Variants in PHACTR2 observed in about 807,000 individuals in gnomAD.
PHACTR2 encodes the protein phosphatase and actin regulator 2, also known as chromosome 6 open reading frame 56.
A neutral mutation model predicts 76.0 loss-of-function variants in PHACTR2; 30 were observed. The ratio of observed to expected loss-of-function variants is 0.39; its 90% CI spans 0.30 to 0.54. The LOEUF is 0.54. PHACTR2 is among the 20% of genes least tolerant of loss of function. The pLI is 0.61. For synonymous variants in PHACTR2, 292 were observed against 292.5 expected (o/e 1.00, Z 0.02); for missense variants, 696 against 781.1 (o/e 0.89, Z 1.30).
upstream of PHACTR2, among the ~76,000 whole-genome samples, chr6:143,607,272 T>C (rs1775889896): frequency 1.3e-5 from 2 of 152,240 alleles, no homozygotes; most frequent in African/African-American, 4.8e-5. Context: ...CTTTGTACTA[T>C]ATTTGAGAAA....
rs990632077 is a variant in PHACTR2, at chr6:143,619,237, G to A, written c.13+10915G>A. On this transcript the variant is annotated intron_variant, in intron 1 of 11. Coordinates refer to the PHACTR2 transcript ENST00000305766. This position sits in a 1 kb window ranked among gnomAD's most constrained non-coding sequence, Gnocchi z 4.5. ...TTTCTGTCTACCTATCATTGATCAA[G>A]AGCCCTACCAGCCCCACTCCAGACC... Among the ~76,000 whole-genome samples the A allele has an allele frequency of 4.0e-5, 6 of 150,708 alleles. No homozygotes were observed. Among genetic ancestry groups the A allele is most frequent in the African/African-American group, 1.2e-4 (5 of 40,158 alleles).
chr6:143,750,326 G>A lies in PHACTR2; in HGVS notation c.295+1261G>A, dbSNP rs1156832205. On this transcript the variant is annotated intron_variant, in intron 3 of 12. Transcript: ENST00000440869. This position sits in a 1 kb window ranked among gnomAD's most constrained non-coding sequence, Gnocchi z 4.6. ...TATTTCCTGTTTGAGACTTTTAAGA[G>A]TTAAAAATGCACATTTCTAACTTTT... 6.6e-6 allele frequency among the ~76,000 whole-genome samples: 1 copy of A among 152,070 alleles called. No individual in the cohort carries two copies. Among genetic ancestry groups the A allele is most frequent in the Non-Finnish European group, 1.5e-5 (1 of 68,014 alleles).
Position 143,553,011 on chromosome 6 carries a change from G to C in PHACTR2, c.217+15804G>C, listed in dbSNP as rs1775113784. On this transcript the variant is annotated intron_variant, in intron 1 of 11. Transcript: ENST00000367584. This position sits in a 1 kb window ranked among gnomAD's most constrained non-coding sequence, Gnocchi z 4.2. ...ATGTCCAGCTGCCTGTCACTTGCCA[G>C]GTATTTAAGGAGTGAAATGAGCAAT... 6.6e-6 allele frequency among the ~76,000 whole-genome samples: 1 copy of C among 152,058 alleles called. No homozygotes were observed. The highest frequency in any genetic ancestry group is 2.4e-5 in the African/African-American group (1 of 41,414).
chr6:143,733,100 A>G lies in PHACTR2; in HGVS notation c.215-15885A>G, dbSNP rs974787159. Among the ~76,000 whole-genome samples, 7 of 152,206 alleles carry G rather than the reference A, an allele frequency of 4.6e-5. No homozygotes were observed. The highest frequency in any genetic ancestry group is 1.3e-4 in the Admixed American group (2 of 15,278). Reference sequence around the variant, plus strand: ...TTTTCATAGAGATGGAGGCTTGCTCAGCTGCCCAGGCTGGGTGTCCAACTG... The same window carrying G: ...TTTTCATAGAGATGGAGGCTTGCTCGGCTGCCCAGGCTGGGTGTCCAACTG... On this transcript the variant is annotated intron_variant, in intron 2 of 12. Transcript: ENST00000440869. This position sits in a 1 kb window ranked among gnomAD's most constrained non-coding sequence, Gnocchi z 4.0.
intron 1 of PHACTR2, among the ~76,000 whole-genome samples, chr6:143,706,140 A>ACCT (rs1440360234): frequency 6.6e-6 from 1 of 151,806 alleles, no homozygotes; most frequent in Non-Finnish European, 1.5e-5. Context: ...CCTTTAACCT[A>ACCT]CCTCCTCCCA....
chr6:143,653,596 T>C lies in PHACTR2; in HGVS notation c.13+45274T>C, dbSNP rs1320975299. Reference sequence around the variant, plus strand: ...TTAGAAAATTGGTTGTCAACAAGGATGCCAAGACAATTCAATGGGGAAAGA... The same window carrying C: ...TTAGAAAATTGGTTGTCAACAAGGACGCCAAGACAATTCAATGGGGAAAGA... On this transcript the variant is annotated intron_variant, in intron 1 of 11. Coordinates refer to the PHACTR2 transcript ENST00000305766. The surrounding 1 kb of genome is among the most constrained non-coding windows in gnomAD (Gnocchi z 4.9). Among the ~76,000 whole-genome samples, 1 of 151,880 alleles carries C rather than the reference T, an allele frequency of 6.6e-6. No homozygotes were observed. The highest frequency in any genetic ancestry group is 6.6e-5 in the Admixed American group (1 of 15,200).
Position 143,777,956 on chromosome 6 carries a change from C to T in PHACTR2, c.1645+573C>T, listed in dbSNP as rs1415663665. On this transcript the variant is annotated intron_variant, in intron 9 of 12. Coordinates refer to ENST00000440869, the MANE Select transcript of PHACTR2 (RefSeq NM_001100164.2). This position sits in a 1 kb window ranked among gnomAD's most constrained non-coding sequence, Gnocchi z 4.6. ...TTATTTTCCCATTCTGTTTTTCCCTCTGTTCTCTTTGACTTTAGTTTTTAC... is the reference window on the plus strand; with the variant it reads ...TTATTTTCCCATTCTGTTTTTCCCTTTGTTCTCTTTGACTTTAGTTTTTAC... Among the ~76,000 whole-genome samples the T allele has an allele frequency of 6.6e-6, 1 of 152,190 alleles. No individual in the cohort carries two copies. Among genetic ancestry groups the T allele is most frequent in the African/African-American group, 2.4e-5 (1 of 41,454 alleles).
rs1054596458 is a variant in PHACTR2, at chr6:143,591,022, G to T, written c.217+53815G>T. Reference sequence around the variant, plus strand: ...TACCAACAGTCGGCCAAGTAGAATTGTACTTGTATAAAAATACAGCATTTC... The same window carrying T: ...TACCAACAGTCGGCCAAGTAGAATTTTACTTGTATAAAAATACAGCATTTC... On this transcript the variant is annotated intron_variant, in intron 1 of 11. Coordinates refer to the PHACTR2 transcript ENST00000367584. This position sits in a 1 kb window ranked among gnomAD's most constrained non-coding sequence, Gnocchi z 6.4. Among the ~76,000 whole-genome samples, 2 of 152,162 alleles carry T rather than the reference G, an allele frequency of 1.3e-5. No individual in the cohort carries two copies. Among genetic ancestry groups the T allele is most frequent in the African/African-American group, 4.8e-5 (2 of 41,428 alleles).
chr6:143,702,773 CT>C (rs1190039194), intron 1 of PHACTR2, among the ~76,000 whole-genome samples: 10,046 of 99,718 alleles, frequency 0.1, 463 homozygotes, highest in Non-Finnish European at 0.12. Flanking sequence ...ATATATACAA[CT>C]TTTTTTTTTT....
In PHACTR2 at chr6:143,550,788, TA is replaced by T. The variant is rs1775084875; in HGVS notation, c.217+13582del. On this transcript the variant is annotated intron_variant, in intron 1 of 11. Coordinates refer to the PHACTR2 transcript ENST00000367584. This position sits in a 1 kb window ranked among gnomAD's most constrained non-coding sequence, Gnocchi z 4.8. ...GTGCGGTGGCTCACGCCTGTAATCC[TA>T]GCACTTTAGGAGGCCTAGGAGGGCA... 6.6e-6 allele frequency among the ~76,000 whole-genome samples: 1 copy of T among 151,508 alleles called. No homozygotes were observed. Among genetic ancestry groups the T allele is most frequent in the South Asian group, 2.1e-4 (1 of 4,812 alleles).
intron 1 of PHACTR2, among the ~76,000 whole-genome samples, chr6:143,584,252 A>G (rs1433147480): frequency 1.3e-5 from 2 of 152,138 alleles, no homozygotes; most frequent in African/African-American, 2.4e-5. Context: ...ATGGACTGGG[A>G]CCAGAAAACT....
chr6:143,586,672 T>G (rs1351205608), intron 1 of PHACTR2, among the ~76,000 whole-genome samples: 1 of 152,254 alleles, frequency 6.6e-6, no homozygotes, highest in Non-Finnish European at 1.5e-5. Flanking sequence ...AAAGGCGGTT[T>G]ATGCAGAAAT....
chr6:143,626,379 T>TA (rs959261169), intron 1 of PHACTR2, among the ~76,000 whole-genome samples: 22 of 151,244 alleles, frequency 1.5e-4, no homozygotes, highest in African/African-American at 3.9e-4. Flanking sequence ...CTACTGAAAA[T>TA]AAAAAAAATT....
rs142515250 is a variant in PHACTR2 at position 143,537,576 on chromosome 6, C to G, written c.217+369C>G. 5.3e-5 allele frequency among the ~76,000 whole-genome samples: 8 copies of G among 152,330 alleles called. No homozygotes were observed. Among genetic ancestry groups the G allele is most frequent in the Non-Finnish European group, 8.8e-5 (6 of 68,030 alleles). ...GGAACATTCTCGGTCTTCGGCGCGACTTTGGTCCCTCGGAAGGGTGCGGTT... is the reference window on the plus strand; with the variant it reads ...GGAACATTCTCGGTCTTCGGCGCGAGTTTGGTCCCTCGGAAGGGTGCGGTT... On this transcript the variant is annotated intron_variant, in intron 1 of 11. Coordinates refer to the PHACTR2 transcript ENST00000367584. The surrounding 1 kb of genome is among the most constrained non-coding windows in gnomAD (Gnocchi z 4.4).
chr6:143,542,331 A>G (rs1293107529), intron 1 of PHACTR2, among the ~76,000 whole-genome samples: 1 of 152,166 alleles, frequency 6.6e-6, no homozygotes, highest in East Asian at 1.9e-4. Flanking sequence ...GGCATCTCCT[A>G]TCTGATTCTT....
Position 143,587,789 on chromosome 6 carries a change from G to A in PHACTR2, c.217+50582G>A, listed in dbSNP as rs1270627908. 3.9e-5 allele frequency among the ~76,000 whole-genome samples: 6 copies of A among 152,102 alleles called. No individual in the cohort carries two copies. In the East Asian group the frequency reaches 5.8e-4, roughly 15 times the overall value. On this transcript the variant is annotated intron_variant, in intron 1 of 11. Transcript: ENST00000367584. The stretch of plus-strand genomic sequence containing the variant: ...AGCACTTTGGGAGGCTGAGGCGGGC[G>A]GATCACCTGTGGTCAGGAGTTAGAG...
At chr6:143,542,949 T>C (rs1287529795) in intron 1 of PHACTR2, among the ~76,000 whole-genome samples, 1 of 152,220 alleles carries the variant, frequency 6.6e-6, no homozygotes, top group Non-Finnish European at 1.5e-5. Context: ...CGTCCATTCA[T>C]TCAATTAGTC....
chr6:143,582,312 AC>A (rs1775585111), intron 1 of PHACTR2, among the ~76,000 whole-genome samples: 1 of 152,174 alleles, frequency 6.6e-6, no homozygotes, highest in East Asian at 1.9e-4. Context: ...CCTAGGAAAC[AC>A]GCCACTAGGA....
At chr6:143,579,473 G>T (rs1337905252) in intron 1 of PHACTR2, among the ~76,000 whole-genome samples, 1 of 152,026 alleles carries the variant, frequency 6.6e-6, no homozygotes, top group African/African-American at 2.4e-5. Flanking sequence ...GCCCATTTTA[G>T]CAAATTGCCC....
Sources: allele counts gnomAD v4.1 joint callset (sites outside exome capture counted in the v4.1 genomes callset), GRCh38; gene constraint gnomAD v4.1.1; non-coding constraint Gnocchi (gnomAD v3.1); transcripts MANE v1.5; gene names NCBI Gene and HGNC (gene_info 2026-07-23, HGNC 2026-07-21).